Variants in ME1 observed in about 807,000 individuals in gnomAD.
ME1 encodes NADP-dependent malic enzyme.
A neutral mutation model predicts 66.4 loss-of-function variants in ME1; 74 were observed. That is an observed-to-expected ratio of 1.11 (90% CI 0.92 to 1.35). The LOEUF is 1.35. ME1 is among the 40% of genes most tolerant of loss of function. The probability of loss-of-function intolerance (pLI) is 0.00; values close to 1 mark genes in which losing one functional copy is unlikely to be tolerated. For synonymous variants in ME1, 251 were observed against 235.6 expected (o/e 1.07, Z -0.60); for missense variants, 750 against 694.1 (o/e 1.08, Z -0.90).
intron 1 of ME1, among the ~76,000 whole-genome samples, chr6:83,421,015 C>G (rs6935935): frequency 0.47 from 71,007 of 151,766 alleles, 18,447 homozygotes; most frequent in African/African-American, 0.69. Context: ...TCCCTGTATG[C>G]AGACAGGGAG....
At chr6:83,396,129 T>C in intron 3 of ME1, among the ~76,000 whole-genome samples, 1 of 152,052 alleles carries the variant, frequency 6.6e-6, no homozygotes, top group Non-Finnish European at 1.5e-5. Flanking sequence ...TTTGGGAGGC[T>C]GAGGCGGGTG....
intron 7 of ME1, among the ~76,000 whole-genome samples, chr6:83,242,305 C>T (rs556028527): frequency 5.9e-5 from 9 of 152,194 alleles, no homozygotes; most frequent in Non-Finnish European, 1.2e-4. Flanking sequence ...AAAGTCTCAC[C>T]TTTTATCAAA....
intron 1 of ME1, among the ~76,000 whole-genome samples, chr6:83,413,064 T>C (rs1449839970): frequency 2.0e-5 from 3 of 152,322 alleles, no homozygotes; most frequent in East Asian, 3.8e-4. Context: ...AAAATTTGTT[T>C]AGCAAATTAT....
At chr6:83,271,023 A>G (rs1456275048) in intron 6 of ME1, among the ~76,000 whole-genome samples, 1 of 105,936 alleles carries the variant, frequency 9.4e-6, no homozygotes. Flanking sequence ...GTGAAGGAGT[A>G]AAAAAAAAAA....
chr6:83,243,887 G>GTGTA (rs1554263351), intron 7 of ME1, among the ~76,000 whole-genome samples: 45 of 127,576 alleles, frequency 3.5e-4, no homozygotes, highest in African/African-American at 1.2e-3. Flanking sequence ...ATGTGTGTGT[G>GTGTA]TATATATATA....
chr6:83,279,041 A>G (rs950903810), intron 6 of ME1, among the ~76,000 whole-genome samples: 6 of 152,182 alleles, frequency 3.9e-5, no homozygotes, highest in African/African-American at 1.2e-4. Context: ...CTCTGGTATA[A>G]TAACAGCAGA....
At chr6:83,317,471 T>C (rs1376244613) in intron 5 of ME1, among the ~76,000 whole-genome samples, 1 of 151,696 alleles carries the variant, frequency 6.6e-6, no homozygotes, top group African/African-American at 2.4e-5. Flanking sequence ...TGTTTGTCTG[T>C]TGTTGGTGTA....
At chr6:83,300,551 T>C (rs1460590328) in intron 6 of ME1, among the ~76,000 whole-genome samples, 1 of 150,880 alleles carries the variant, frequency 6.6e-6, no homozygotes, top group South Asian at 2.1e-4. Flanking sequence ...AACAGCCCCA[T>C]TAAAAAGTAG....
intron 5 of ME1, among the ~76,000 whole-genome samples, chr6:83,332,502 A>T (rs1768434031): frequency 6.6e-6 from 1 of 152,224 alleles, no homozygotes; most frequent in African/African-American, 2.4e-5. Flanking sequence ...TATGAAATCA[A>T]CCTCAAGTGC....
chr6:83,353,511 T>G (rs1768836997), intron 3 of ME1, among the ~76,000 whole-genome samples: 1 of 152,140 alleles, frequency 6.6e-6, no homozygotes, highest in African/African-American at 2.4e-5. Flanking sequence ...AAAAAGCTGG[T>G]TAACTACATT....
At chr6:83,293,310 A>G (rs907351107) in intron 6 of ME1, among the ~76,000 whole-genome samples, 2 of 152,166 alleles carry the variant, frequency 1.3e-5, no homozygotes, top group African/African-American at 4.8e-5. Context: ...TTAAATGTAC[A>G]GTTCAGAAAT....
At chr6:83,334,022 G>C (rs577479464) in intron 5 of ME1, among the ~76,000 whole-genome samples, 3 of 152,090 alleles carry the variant, frequency 2.0e-5, no homozygotes, top group South Asian at 2.1e-4. Context: ...CGACGCAGAA[G>C]ACGGGTGATT....
intron 3 of ME1, among the ~76,000 whole-genome samples, chr6:83,376,804 C>CAAAAAAAAAAA (rs70987750): frequency 5.7e-5 from 5 of 87,104 alleles, no homozygotes; most frequent in African/African-American, 2.0e-4. Context: ...CCCTGTCTCA[C>CAAAAAAAAAAA]AAAAAAAAAA....
chr6:83,306,676 G>T (rs1033781871), intron 6 of ME1, among the ~76,000 whole-genome samples: 1 of 152,016 alleles, frequency 6.6e-6, no homozygotes, highest in Non-Finnish European at 1.5e-5. Context: ...TCAGATATAT[G>T]CCACTGTAGT....
At chr6:83,427,655 G>A (rs1448934684) in intron 1 of ME1, among the ~76,000 whole-genome samples, 3 of 152,036 alleles carry the variant, frequency 2.0e-5, no homozygotes, top group Admixed American at 6.6e-5. Context: ...TGTCTACTGA[G>A]CAAAATACTG....
At chr6:83,267,269 T>C (rs1028043393) in intron 6 of ME1, among the ~76,000 whole-genome samples, 2 of 152,140 alleles carry the variant, frequency 1.3e-5, no homozygotes, top group Non-Finnish European at 2.9e-5. Flanking sequence ...TACAAACAAA[T>C]TGAGCCTTTT....
chr6:83,309,160 C>A (rs1767883886), intron 6 of ME1, among the ~76,000 whole-genome samples: 1 of 152,120 alleles, frequency 6.6e-6, no homozygotes, highest in South Asian at 2.1e-4. Flanking sequence ...ATAAGCTTTC[C>A]TGGGGTTTTG....
intron 7 of ME1, among the ~76,000 whole-genome samples, chr6:83,251,456 T>C (rs1263863286): frequency 6.6e-6 from 1 of 151,460 alleles, no homozygotes; most frequent in Non-Finnish European, 1.5e-5. Context: ...ATTGCACCAC[T>C]GCACTCCAGC....
intron 3 of ME1, among the ~76,000 whole-genome samples, chr6:83,357,663 G>A (rs928998728): frequency 1.3e-5 from 2 of 151,868 alleles, no homozygotes; most frequent in Admixed American, 6.6e-5. Flanking sequence ...ATCTGGGTGG[G>A]CACAATCTAA....
Sources: allele counts gnomAD v4.1 joint callset (sites outside exome capture counted in the v4.1 genomes callset), GRCh38; gene constraint gnomAD v4.1.1; transcripts MANE v1.5; gene names NCBI Gene and HGNC (gene_info 2026-07-23, HGNC 2026-07-21).